Variants in ARMH3 observed in about 807,000 individuals in gnomAD.
The protein encoded by ARMH3 is armadillo-like helical domain-containing protein 3.
A neutral mutation model predicts 99.1 loss-of-function variants in ARMH3; 60 were observed. That is an observed-to-expected ratio of 0.61 (90% CI 0.49 to 0.75). ARMH3 has a LOEUF of 0.75. ARMH3 is among the 30% of genes least tolerant of loss of function. ARMH3 has a pLI of 0.00. For synonymous variants in ARMH3, 285 were observed against 292.8 expected, an observed-to-expected ratio of 0.97 and a Z score of 0.27; for missense variants, 679 against 843.1, an observed-to-expected ratio of 0.81 and a Z score of 2.41.
chr10:101,894,512 T>C (rs1272800329), intron 23 of ARMH3, among the ~76,000 whole-genome samples: 1 of 152,162 alleles, frequency 6.6e-6, no homozygotes, highest in Non-Finnish European at 1.5e-5. Context: ...TGGGTTGTGA[T>C]TCCACACCAT....
In ARMH3 at chr10:102,039,861, C is replaced by A. The variant is rs150424244; in HGVS notation, c.102+152G>T. On this transcript the variant is annotated intron_variant, in intron 2 of 25. Transcript: ENST00000370033. The stretch of plus-strand genomic sequence containing the variant: ...TACATGATTATAATCTCTACTCTGA[C>A]AGCTTTCATTTTTGCCCTCAAACCC... 1.4e-4 allele frequency: 88 copies of A among 644,026 alleles called. No homozygotes were observed. In the South Asian group the frequency reaches 1.4e-3, roughly 10 times the overall value. The allele number at this position is 644,026 out of a possible 1,614,324, so 39.9% of individuals were successfully genotyped here. A position where few individuals can be genotyped will look rare whatever the true frequency, so the allele number is the denominator to read the frequency against.
At chr10:101,901,862 TAAGTG>T (rs1288808983) in intron 23 of ARMH3, among the ~76,000 whole-genome samples, 1 of 152,238 alleles carries the variant, frequency 6.6e-6, no homozygotes, top group Non-Finnish European at 1.5e-5. Flanking sequence ...CCGTTCTGCC[TAAGTG>T]AAGTTGATAG....
intron 23 of ARMH3, among the ~76,000 whole-genome samples, chr10:101,901,447 G>C (rs973074798): frequency 1.1e-4 from 17 of 152,276 alleles, no homozygotes; most frequent in East Asian, 1.9e-4. Flanking sequence ...CATCAGTTAA[G>C]TGAACAAAGA....
intron 17 of ARMH3, 41 bp from the exon 18 acceptor site, chr10:101,992,079 C>T (rs17778015): frequency 0.053 from 79,720 of 1,515,228 alleles, 2,412 homozygotes; most frequent in Middle Eastern, 0.084. Context: ...TAGTAGACAC[C>T]GGCACTGACA....
chr10:101,989,987 T>TATTCATG (rs1402101852), intron 19 of ARMH3, among the ~76,000 whole-genome samples: 1 of 152,316 alleles, frequency 6.6e-6, no homozygotes, highest in African/African-American at 2.4e-5. Context: ...GCGATCACTA[T>TATTCATG]ATTCATGTGT....
chr10:101,891,482 C>A (rs879438269), intron 23 of ARMH3, among the ~76,000 whole-genome samples: 1 of 152,176 alleles, frequency 6.6e-6, no homozygotes, highest in African/African-American at 2.4e-5. Context: ...CAGGTGTGAG[C>A]CACCGTGCCC....
chr10:101,904,198 T>C (rs967204125), intron 23 of ARMH3, among the ~76,000 whole-genome samples: 7 of 152,170 alleles, frequency 4.6e-5, no homozygotes, highest in Non-Finnish European at 7.4e-5. Flanking sequence ...ATTAATAATA[T>C]ACATTTGGGA....
intron 23 of ARMH3, among the ~76,000 whole-genome samples, chr10:101,915,944 C>T (rs1350301088): frequency 1.3e-5 from 2 of 151,994 alleles, no homozygotes; most frequent in African/African-American, 4.8e-5. Flanking sequence ...GCTGGAACTA[C>T]AGGCGCCCAC....
intron 24 of ARMH3, among the ~76,000 whole-genome samples, chr10:101,856,469 A>G (rs1384090549): frequency 1.3e-5 from 2 of 151,942 alleles, no homozygotes; most frequent in Non-Finnish European, 1.5e-5. Context: ...GAATGCTCCT[A>G]TCTCAAGGCT....
intron 23 of ARMH3, among the ~76,000 whole-genome samples, chr10:101,932,065 CA>C (rs1324387956): frequency 6.6e-6 from 1 of 151,854 alleles, no homozygotes; most frequent in Non-Finnish European, 1.5e-5. Flanking sequence ...AACAAAACAC[CA>C]AAAAACTCCA....
chr10:101,956,531 T>C (rs1845045125), intron 22 of ARMH3, 66 bp downstream of exon 22: 8 of 1,573,876 alleles, frequency 5.1e-6, no homozygotes, highest in Non-Finnish European at 6.9e-6. Context: ...TTCGTAGTCT[T>C]TTCCTCTTAT....
At chr10:102,053,596 T>TC (rs1410163447) in intron 1 of ARMH3, among the ~76,000 whole-genome samples, 1 of 150,932 alleles carries the variant, frequency 6.6e-6, no homozygotes. Flanking sequence ...CTCAAGTATC[T>TC]CCCCCCTGCA....
intron 24 of ARMH3, among the ~76,000 whole-genome samples, chr10:101,862,778 C>CG (rs1020584396): frequency 7.3e-5 from 11 of 150,964 alleles, no homozygotes; most frequent in Middle Eastern, 3.5e-3. Context: ...ATGGGAAAAA[C>CG]GGGGGAAAGC....
intron 1 of ARMH3, among the ~76,000 whole-genome samples, chr10:102,041,924 A>G (rs1018680140): frequency 2.6e-5 from 4 of 152,224 alleles, no homozygotes; most frequent in African/African-American, 9.7e-5. Context: ...CTGGGATTAC[A>G]GGCATGAGCC....
chr10:101,953,376 T>C (rs537396610), intron 22 of ARMH3, among the ~76,000 whole-genome samples: 1 of 152,162 alleles, frequency 6.6e-6, no homozygotes, highest in Non-Finnish European at 1.5e-5. Context: ...TCTGCCTACT[T>C]TGGCCACCCA....
intron 24 of ARMH3, among the ~76,000 whole-genome samples, chr10:101,878,444 A>G (rs1036090960): frequency 3.3e-5 from 5 of 151,750 alleles, no homozygotes; most frequent in African/African-American, 1.2e-4. Context: ...AGACCAGCCT[A>G]GCCTGGGCAA....
intron 4 of ARMH3, among the ~76,000 whole-genome samples, chr10:102,032,724 A>C (rs10883705): frequency 0.2 from 29,960 of 152,082 alleles, 3,337 homozygotes; most frequent in East Asian, 0.52. Flanking sequence ...GATAAAGACT[A>C]ATCATTCTTG....
At chr10:101,886,097 T>C (rs751155548) in intron 24 of ARMH3, among the ~76,000 whole-genome samples, 1 of 151,670 alleles carries the variant, frequency 6.6e-6, no homozygotes, top group African/African-American at 2.4e-5. Flanking sequence ...TTTTATGTTA[T>C]GTATATTCTA....
intron 23 of ARMH3, among the ~76,000 whole-genome samples, chr10:101,932,151 AG>A (rs1480320021): frequency 3.3e-5 from 5 of 152,268 alleles, no homozygotes; most frequent in Admixed American, 3.3e-4. Context: ...GCATATAAAA[AG>A]ATGCTCAACA....
Sources: gnomAD v4.1 joint callset for allele counts (sites outside exome capture counted in the v4.1 genomes callset) on GRCh38, gnomAD v4.1.1 for gene constraint, MANE v1.5 for transcripts, NCBI Gene and HGNC (gene_info 2026-07-23, HGNC 2026-07-21) for gene names.